Variants in FIBCD1 observed in about 807,000 individuals in gnomAD.
FIBCD1 encodes the protein fibrinogen C domain containing 1, also known as fibrinogen C domain-containing protein 1.
FIBCD1 carries 47 observed loss-of-function variants against 45.1 expected under a neutral mutation model. The ratio of observed to expected loss-of-function variants is 1.04; its 90% CI spans 0.82 to 1.33. The LOEUF is 1.33. FIBCD1 is among the 40% of genes most tolerant of loss of function. The pLI, the probability that FIBCD1 is intolerant of heterozygous loss-of-function variation, is 0.00. For synonymous variants in FIBCD1, 313 were observed against 308.1 expected, an observed-to-expected ratio of 1.02 and a Z score of -0.17; for missense variants, 653 against 682.2, an observed-to-expected ratio of 0.96 and a Z score of 0.48.
chr9:130,907,226 G>A (rs1290206475), intron 5 of FIBCD1, among the ~76,000 whole-genome samples: 2 of 151,440 alleles, frequency 1.3e-5, no homozygotes, highest in African/African-American at 4.9e-5. Flanking sequence ...TTCATGAGCG[G>A]TGTCCCGGGG....
chr9:130,907,141 A>T (rs1303719475), intron 5 of FIBCD1, among the ~76,000 whole-genome samples: 1 of 152,012 alleles, frequency 6.6e-6, no homozygotes, highest in Non-Finnish European at 1.5e-5. Context: ...ATGCTGGAAG[A>T]TTCCTTTTCC....
chr9:130,921,093 A>G (rs77784291), intron 4 of FIBCD1, among the ~76,000 whole-genome samples: 6,527 of 152,200 alleles, frequency 0.043, 167 homozygotes, highest in East Asian at 0.11. Flanking sequence ...TATGAACTGT[A>G]AAGTGGCCCT....
chr9:130,936,725 G>C (rs1432396656), intron 1 of FIBCD1, among the ~76,000 whole-genome samples: 1 of 152,238 alleles, frequency 6.6e-6, no homozygotes, highest in Non-Finnish European at 1.5e-5. Flanking sequence ...CTCAATGCCT[G>C]ACCTGAGCTG....
In FIBCD1 at chr9:130,926,164, C is replaced by T. The variant is rs1483875833; in HGVS notation, c.553-1768G>A. ...AAGACGGTAGGTGGGGGCCGCCGTG[C>T]GATGTGTGTGCGGCAAACATCACTT... is the stretch of plus-strand genomic sequence containing the variant. On this transcript the variant is annotated intron_variant, in intron 2 of 6. Coordinates refer to ENST00000372338, the MANE Select transcript of FIBCD1 (RefSeq NM_032843.5). This position sits in a 1 kb window ranked among gnomAD's most constrained non-coding sequence, Gnocchi z 4.1. Among the ~76,000 whole-genome samples, 3 of 152,104 alleles carry T rather than the reference C, an allele frequency of 2.0e-5. No individual in the cohort carries two copies. Among genetic ancestry groups the T allele is most frequent in the Middle Eastern group, 3.2e-3 (1 of 316 alleles).
intron 5 of FIBCD1, among the ~76,000 whole-genome samples, chr9:130,908,288 G>A (rs1021871484): frequency 6.6e-6 from 1 of 152,222 alleles, no homozygotes; most frequent in South Asian, 2.1e-4. Flanking sequence ...GTCAGGGCTC[G>A]TCTGCAGGAT....
At chr9:130,925,792 C>T (rs1832348266) in intron 2 of FIBCD1, among the ~76,000 whole-genome samples, 1 of 152,236 alleles carries the variant, frequency 6.6e-6, no homozygotes, top group Non-Finnish European at 1.5e-5. Context: ...CAAGCTATAG[C>T]TGGCCAGCCA....
In FIBCD1 at chr9:130,907,225, G is replaced by C. The variant is rs974978120; in HGVS notation, c.947-1812C>G. On this transcript the variant is annotated intron_variant, in intron 5 of 6. Transcript: ENST00000372338. ...CTGGGTTGAGTGACAATTCATGAGC[G>C]GTGTCCCGGGGGCTGCTAGGCAGGA... 5.3e-5 allele frequency among the ~76,000 whole-genome samples: 8 copies of C among 151,988 alleles called. No homozygotes were observed. In the East Asian group the frequency reaches 9.7e-4, roughly 18 times the overall value.
At chr9:130,931,265 C>T (rs566206667) in intron 1 of FIBCD1, among the ~76,000 whole-genome samples, 6 of 152,302 alleles carry the variant, frequency 3.9e-5, no homozygotes, top group East Asian at 3.9e-4. Context: ...AAGCCCAGCA[C>T]TTGGGAGGCC....
intron 2 of FIBCD1, among the ~76,000 whole-genome samples, chr9:130,924,661 C>T (rs948955321): frequency 2.0e-5 from 3 of 152,200 alleles, no homozygotes; most frequent in South Asian, 2.1e-4. Context: ...CCAGCAGGCA[C>T]CTGCCACCCC....
chr9:130,902,692 GC>G lies in FIBCD1; in HGVS notation c.*1371del, dbSNP rs11312213. 43,915 of 152,130 alleles carry G rather than the reference GC, an allele frequency of 0.29. 7,459 individuals carry two copies. The highest frequency in any genetic ancestry group is 0.53 in the East Asian group (2,731 of 5,136). The allele number at this position is 152,130 out of a possible 1,614,324, so 9.4% of individuals were successfully genotyped here. On this transcript the variant is annotated 3_prime_UTR_variant, in exon 7 of 7. Coordinates refer to ENST00000372338, the MANE Select transcript of FIBCD1 (RefSeq NM_032843.5). Reference sequence around the variant, plus strand: ...AAGGCTGACTCCAGCCCTTTCGGAGGCCCCCCATCAGGAGGCCTTGGAAAAG... The same window carrying G: ...AAGGCTGACTCCAGCCCTTTCGGAGGCCCCCATCAGGAGGCCTTGGAAAAG...
chr9:130,919,624 T>TG (rs1284744444), intron 4 of FIBCD1, among the ~76,000 whole-genome samples: 6 of 151,802 alleles, frequency 4.0e-5, no homozygotes, highest in South Asian at 2.1e-4. Context: ...AGAGCTCAGG[T>TG]GGGGGGATGT....
rs1176794634 is a variant in FIBCD1, at chr9:130,924,253, G to A, written c.696C>T (p.Pro232=). The part of the protein sequence containing the change: ...LQRAPARGTR[P]RGCATGSRPR... Reference sequence around the variant, plus strand: ...CCCACTCACCAGTGGCACAGCCCCGGGGCCGGGTTCCCCGGGCAGGCGCTC... The same window carrying A: ...CCCACTCACCAGTGGCACAGCCCCGAGGCCGGGTTCCCCGGGCAGGCGCTC... Residue 232 remains proline (P), a synonymous_variant, in exon 3 of 7, where the codon CCC becomes CCT. Transcript: ENST00000372338. The A allele has an allele frequency of 1.9e-6, 3 of 1,597,742 alleles. No individual in the cohort carries two copies. Among genetic ancestry groups the A allele is most frequent in the Non-Finnish European group, 2.6e-6 (3 of 1,173,874 alleles).
At position 130,911,822 on chromosome 9, in the gene FIBCD1, AG is replaced by A. The variant is rs1292673069; in HGVS notation, c.915del (p.Phe306LeufsTer10). ...CAGTGCTCCCCGGTGAGCCTGCCAA[AG>A]CCGTCTCGGTACGCATCCCAGCCCC... Reference protein sequence around the residue: ...FFRGWDAYRDGFGRLTGEHWL... With the variant: ...FFRGWDAYRDXFGRLTGEHWL... On this transcript the variant is annotated frameshift_variant, in exon 5 of 7. Coordinates refer to ENST00000372338, the MANE Select transcript of FIBCD1 (RefSeq NM_032843.5). LOFTEE classifies it high-confidence loss of function. 5.6e-6 allele frequency: 9 copies of A among 1,604,428 alleles called. No individual in the cohort carries two copies. In the Admixed American group the frequency reaches 1.0e-4, roughly 18 times the overall value.
intron 1 of FIBCD1, among the ~76,000 whole-genome samples, chr9:130,937,652 TCTCTC>T (rs1368449926): frequency 6.6e-6 from 1 of 152,182 alleles, no homozygotes; most frequent in Non-Finnish European, 1.5e-5. Context: ...GCAGCCCTAT[TCTCTC>T]CTCTCCTTGG....
At chr9:130,934,272 C>T (rs1305337254) in intron 1 of FIBCD1, among the ~76,000 whole-genome samples, 2 of 152,094 alleles carry the variant, frequency 1.3e-5, no homozygotes, top group Admixed American at 6.5e-5. Flanking sequence ...AGGGAGGGTC[C>T]CAGAGACTCC....
At chr9:130,905,437 G>A in intron 5 of FIBCD1, 24 bp from the exon 6 acceptor site, 2 of 1,598,304 alleles carry the variant, frequency 1.3e-6, no homozygotes, top group Non-Finnish European at 8.5e-7. Flanking sequence ...GAAAATGGTG[G>A]GAGAAGCTGA....
At chr9:130,929,349 G>C (rs571946641) in intron 2 of FIBCD1, among the ~76,000 whole-genome samples, 12 of 152,302 alleles carry the variant, frequency 7.9e-5, no homozygotes, top group African/African-American at 2.9e-4. Context: ...AAAGAAACAG[G>C]ATTTGAATCC....
chr9:130,935,610 ATAC>A (rs1832506984), intron 1 of FIBCD1, among the ~76,000 whole-genome samples: 1 of 152,206 alleles, frequency 6.6e-6, no homozygotes, highest in African/African-American at 2.4e-5. Context: ...GACCTGGGCT[ATAC>A]CCACTCACAG....
rs1832310651 is a variant in FIBCD1, at chr9:130,923,979, C to G, written c.713-99G>C. ...GTCCATCGATAATGCATGTGGGGTC[C>G]CATGGGGTTGAGAGAGCACTGGCCT... On this transcript the variant is annotated intron_variant, in intron 3 of 6. Coordinates refer to ENST00000372338, the MANE Select transcript of FIBCD1 (RefSeq NM_032843.5). 9.0e-6 allele frequency: 14 copies of G among 1,560,660 alleles called. 1 individual carries two copies. The South Asian group carries it at 1.3e-4, about 14-fold the overall frequency.
Sources: allele counts gnomAD v4.1 joint callset (sites outside exome capture counted in the v4.1 genomes callset), GRCh38; gene constraint gnomAD v4.1.1; non-coding constraint Gnocchi (gnomAD v3.1); transcripts MANE v1.5; gene names NCBI Gene and HGNC (gene_info 2026-07-23, HGNC 2026-07-21).